The following TAFA4 variants were observed in gnomAD, a reference collection of about 807,000 sequenced individuals.
The protein encoded by TAFA4 is chemokine-like protein TAFA-4.
Under a neutral mutation model 21.1 loss-of-function variants are expected in TAFA4, and 20 were observed. That is an observed-to-expected ratio of 0.95 (90% CI 0.67 to 1.38). TAFA4 has a LOEUF of 1.38. Among genes scored for constraint, TAFA4 ranks in the 40% most tolerant of loss-of-function variants. The probability of loss-of-function intolerance (pLI) is 0.00; values close to 1 mark genes in which losing one functional copy is unlikely to be tolerated. For synonymous variants in TAFA4, 71 were observed against 67.4 expected, an observed-to-expected ratio of 1.05 and a Z score of -0.26; for missense variants, 211 against 180.9, an observed-to-expected ratio of 1.17 and a Z score of -0.95.
At chr3:68,896,557 C>A (rs2089790876) in intron 1 of TAFA4, among the ~76,000 whole-genome samples, 1 of 152,196 alleles carries the variant, frequency 6.6e-6, no homozygotes, top group East Asian at 1.9e-4. Context: ...TAACCTCTCT[C>A]TAGAGCTGAT....
chr3:68,783,743 AAG>A (rs1703197932), intron 3 of TAFA4, among the ~76,000 whole-genome samples: 2 of 103,790 alleles, frequency 1.9e-5, no homozygotes, highest in Non-Finnish European at 5.0e-5. Flanking sequence ...GAAAGAAAGA[AAG>A]TAAGAAAGAA....
chr3:68,899,552 G>A (rs1003976686), intron 1 of TAFA4, among the ~76,000 whole-genome samples: 6 of 152,082 alleles, frequency 3.9e-5, no homozygotes, highest in African/African-American at 9.7e-5. Context: ...CATTTATAAC[G>A]CATTACAACC....
At chr3:68,761,932 G>A (rs906691958) in intron 3 of TAFA4, among the ~76,000 whole-genome samples, 16 of 152,054 alleles carry the variant, frequency 1.1e-4, no homozygotes, top group African/African-American at 2.7e-4. Context: ...GAATGGAGTC[G>A]TCCCTTAAAT....
intron 3 of TAFA4, among the ~76,000 whole-genome samples, chr3:68,795,925 C>G (rs1703446404): frequency 6.6e-6 from 1 of 152,228 alleles, no homozygotes; most frequent in African/African-American, 2.4e-5. Context: ...TGGGGCACCC[C>G]AAGCCCAGTA....
At chr3:68,743,061 T>C (rs73104799) in intron 4 of TAFA4, among the ~76,000 whole-genome samples, 2,088 of 152,322 alleles carry the variant, frequency 0.014, 19 homozygotes, top group Non-Finnish European at 0.021. Flanking sequence ...AGTGGCCACA[T>C]TGTACCCGAT....
In TAFA4 at chr3:68,732,976, AG is replaced by A; in HGVS notation, c.*165del. On this transcript the variant is annotated 3_prime_UTR_variant, in exon 6 of 6. Coordinates refer to ENST00000295569, the MANE Select transcript of TAFA4 (RefSeq NM_182522.5). ...AATGAAATAAAATCACGAAGCAGAGAGGGCTGGGCCAGTTAAGTGAATGCCA... is the reference window on the plus strand; with the variant it reads ...AATGAAATAAAATCACGAAGCAGAGAGGCTGGGCCAGTTAAGTGAATGCCA... 1 of 726,950 alleles carries A rather than the reference AG, an allele frequency of 1.4e-6. No homozygotes were observed. The highest frequency in any genetic ancestry group is 2.2e-6 in the Non-Finnish European group (1 of 451,290). The allele number at this position is 726,950 out of a possible 1,614,324, so 45.0% of individuals were successfully genotyped here.
intron 3 of TAFA4, among the ~76,000 whole-genome samples, chr3:68,762,144 G>A (rs556526304): frequency 1.3e-5 from 2 of 151,092 alleles, no homozygotes; most frequent in African/African-American, 2.4e-5. Context: ...TGTAGCTAGA[G>A]GATAAAGAAA....
intron 3 of TAFA4, among the ~76,000 whole-genome samples, chr3:68,863,601 G>A (rs1219299639): frequency 6.6e-6 from 1 of 152,188 alleles, no homozygotes; most frequent in South Asian, 2.1e-4. Flanking sequence ...TAAACAATTT[G>A]TTGTAGTAAT....
In TAFA4 at chr3:68,824,960, A is replaced by G. The variant is rs190745137; in HGVS notation, c.130+55770T>C. The stretch of plus-strand genomic sequence containing the variant: ...CAACTCTCACTTACCTCTTGGGTGC[A>G]AAGTTTAATGCTTTTTTAATTTTTA... On this transcript the variant is annotated intron_variant, in intron 3 of 5. Coordinates refer to ENST00000295569, the MANE Select transcript of TAFA4 (RefSeq NM_182522.5). Among the ~76,000 whole-genome samples the G allele has an allele frequency of 2.6e-3, 396 of 152,262 alleles. 4 individuals carry two copies. Among genetic ancestry groups the G allele is most frequent in the African/African-American group, 9.2e-3 (384 of 41,548 alleles).
chr3:68,812,892 AC>A (rs1308442307), intron 3 of TAFA4, among the ~76,000 whole-genome samples: 7 of 151,124 alleles, frequency 4.6e-5, no homozygotes, highest in African/African-American at 1.7e-4. Flanking sequence ...GCACCACACC[AC>A]ACCTATTCCA....
chr3:68,783,179 C>T (rs556092780), intron 3 of TAFA4, among the ~76,000 whole-genome samples: 2 of 152,174 alleles, frequency 1.3e-5, no homozygotes, highest in Admixed American at 1.3e-4. Context: ...ACATACACAA[C>T]TATGAAGATC....
intron 3 of TAFA4, among the ~76,000 whole-genome samples, chr3:68,781,073 T>C (rs917645748): frequency 2.0e-5 from 3 of 152,080 alleles, no homozygotes; most frequent in Non-Finnish European, 4.4e-5. Context: ...ATAAAAGTAT[T>C]TTAGAATATG....
At chr3:68,818,233 T>A (rs1704031704) in intron 3 of TAFA4, among the ~76,000 whole-genome samples, 1 of 152,220 alleles carries the variant, frequency 6.6e-6, no homozygotes, top group Non-Finnish European at 1.5e-5. Flanking sequence ...CCAACTTCTC[T>A]TCTGGAGCTT....
chr3:68,879,186 G>A (rs1342120347), intron 3 of TAFA4, among the ~76,000 whole-genome samples: 1 of 152,094 alleles, frequency 6.6e-6, no homozygotes, highest in Non-Finnish European at 1.5e-5. Flanking sequence ...ACAGCCGTTT[G>A]CAGATAACAC....
At chr3:68,931,659 C>A (rs1186839580) in intron 1 of TAFA4, among the ~76,000 whole-genome samples, 1 of 152,038 alleles carries the variant, frequency 6.6e-6, no homozygotes, top group Non-Finnish European at 1.5e-5. Flanking sequence ...ACTTCCAGAC[C>A]CGCTCCAGTT....
At chr3:68,773,940 G>A (rs531927576) in intron 3 of TAFA4, among the ~76,000 whole-genome samples, 28 of 152,252 alleles carry the variant, frequency 1.8e-4, no homozygotes, top group Middle Eastern at 3.4e-3. Flanking sequence ...GATCAGAACC[G>A]TATTGTCAAC....
At chr3:68,737,729 C>T (rs1389390984) in intron 5 of TAFA4, among the ~76,000 whole-genome samples, 1 of 152,084 alleles carries the variant, frequency 6.6e-6, no homozygotes, top group African/African-American at 2.4e-5. Flanking sequence ...CTGTTTTTGA[C>T]CTCCATGGCT....
chr3:68,815,340 G>A (rs1387329994), intron 3 of TAFA4, among the ~76,000 whole-genome samples: 7 of 152,146 alleles, frequency 4.6e-5, no homozygotes, highest in South Asian at 2.1e-4. Context: ...AAGAGCTTCT[G>A]CACAGCAAAA....
At chr3:68,790,064 A>G (rs1407222775) in intron 3 of TAFA4, among the ~76,000 whole-genome samples, 2 of 152,200 alleles carry the variant, frequency 1.3e-5, no homozygotes, top group African/African-American at 4.8e-5. Flanking sequence ...AAAAATATGT[A>G]TAACTGTTGA....
Sources: gnomAD v4.1 joint callset for allele counts (sites outside exome capture counted in the v4.1 genomes callset) on GRCh38, gnomAD v4.1.1 for gene constraint, MANE v1.5 for transcripts, NCBI Gene and HGNC (gene_info 2026-07-23, HGNC 2026-07-21) for gene names.